The following C7orf78 variants were observed in gnomAD, a reference collection of about 807,000 sequenced individuals.
The protein encoded by C7orf78 is chromosome 7 open reading frame 78, also known as putative uncharacterized protein C7orf78.
the C7orf78 span, among the ~76,000 whole-genome samples, chr7:12,536,945 C>A: frequency 6.6e-6 from 1 of 152,160 alleles, no homozygotes; most frequent in Admixed American, 6.5e-5. Flanking sequence ...GCATTTTGGT[C>A]AAAGCCATTC....
At chr7:12,515,680 A>G in the C7orf78 span, among the ~76,000 whole-genome samples, 63 of 152,208 alleles carry the variant, frequency 4.1e-4, no homozygotes, top group Non-Finnish European at 5.9e-4. Context: ...GATATGGACA[A>G]TAAGGTCCAG....
the C7orf78 span, among the ~76,000 whole-genome samples, chr7:12,523,903 A>G: frequency 6.6e-6 from 1 of 152,200 alleles, no homozygotes; most frequent in East Asian, 1.9e-4. Context: ...TTTATAATTT[A>G]AAAGTGTGAT....
chr7:12,495,020 C>A, the C7orf78 span, among the ~76,000 whole-genome samples: 1 of 152,108 alleles, frequency 6.6e-6, no homozygotes, highest in Non-Finnish European at 1.5e-5. Context: ...CTGTTCTGCC[C>A]GTCTTCTCCC....
chr7:12,532,954 T>C, the C7orf78 span, among the ~76,000 whole-genome samples: 2 of 152,126 alleles, frequency 1.3e-5, no homozygotes, highest in Non-Finnish European at 2.9e-5. Context: ...AGAATTTGTT[T>C]TAAGTGGTGG....
At chr7:12,515,242 T>C in the C7orf78 span, among the ~76,000 whole-genome samples, 5 of 152,154 alleles carry the variant, frequency 3.3e-5, no homozygotes, top group Non-Finnish European at 4.4e-5. Flanking sequence ...ACAGAGGCAG[T>C]TTCCCCCATA....
the C7orf78 span, among the ~76,000 whole-genome samples, chr7:12,509,089 C>T: frequency 6.6e-6 from 1 of 152,206 alleles, no homozygotes; most frequent in Non-Finnish European, 1.5e-5. Flanking sequence ...TTGTCTCCCA[C>T]GAGATCACTC....
the C7orf78 span, among the ~76,000 whole-genome samples, chr7:12,513,067 T>G: frequency 1.2e-3 from 188 of 151,586 alleles, no homozygotes; most frequent in Admixed American, 2.2e-3. Context: ...TTATTCTTGG[T>G]TATTCTATCT....
At chr7:12,520,184 C>A in the C7orf78 span, among the ~76,000 whole-genome samples, 2 of 152,106 alleles carry the variant, frequency 1.3e-5, no homozygotes, top group East Asian at 3.9e-4. Flanking sequence ...TCTTCCCCTT[C>A]TGTGTCTCAG....
chr7:12,500,711 T>C, the C7orf78 span, among the ~76,000 whole-genome samples: 14,448 of 151,766 alleles, frequency 0.095, 846 homozygotes, highest in Non-Finnish European at 0.13. Context: ...AAAGAGGGAA[T>C]CCTCCCCAAC....
At chr7:12,506,532 A>G in the C7orf78 span, among the ~76,000 whole-genome samples, 2 of 152,174 alleles carry the variant, frequency 1.3e-5, no homozygotes, top group Non-Finnish European at 2.9e-5. Context: ...TCAGCAAACT[A>G]TCACAAGGAC....
chr7:12,535,518 AG>A, the C7orf78 span, among the ~76,000 whole-genome samples: 2 of 152,194 alleles, frequency 1.3e-5, no homozygotes, highest in Admixed American at 1.3e-4. Context: ...GTGGGGACAT[AG>A]CCAAACCATA....
At chr7:12,504,501 G>A in the C7orf78 span, 3 of 152,262 alleles carry the variant, frequency 2.0e-5, no homozygotes, top group Admixed American at 2.0e-4. Flanking sequence ...AAGATTTGCT[G>A]AGATATATTA....
chr7:12,498,247 G>T, the C7orf78 span, among the ~76,000 whole-genome samples: 2 of 152,084 alleles, frequency 1.3e-5, no homozygotes, highest in African/African-American at 4.8e-5. Flanking sequence ...TGACTTTGAC[G>T]AGCTGAGAGA....
chr7:12,508,514 A>T, the C7orf78 span, among the ~76,000 whole-genome samples: 1 of 152,236 alleles, frequency 6.6e-6, no homozygotes, highest in Non-Finnish European at 1.5e-5. Context: ...TCATTTCTAT[A>T]TCATACACAT....
the C7orf78 span, among the ~76,000 whole-genome samples, chr7:12,490,290 G>A: frequency 2.0e-5 from 3 of 152,004 alleles, no homozygotes; most frequent in Non-Finnish European, 4.4e-5. Flanking sequence ...ACTTTAACAT[G>A]ATAATTATGC....
chr7:12,500,322 T>C, the C7orf78 span, among the ~76,000 whole-genome samples: 10 of 151,166 alleles, frequency 6.6e-5, no homozygotes, highest in Non-Finnish European at 1.0e-4. Context: ...ACAAAATTGA[T>C]AGACCGCTAG....
the C7orf78 span, among the ~76,000 whole-genome samples, chr7:12,497,923 A>ACCCCTGACCCCTGT: frequency 4.6e-5 from 7 of 151,282 alleles, no homozygotes; most frequent in Non-Finnish European, 8.9e-5. Context: ...TGGGTCCCTG[A>ACCCCTGACCCCTGT]CCCCTGACCC....
At chr7:12,515,671 A>G in the C7orf78 span, among the ~76,000 whole-genome samples, 2 of 152,214 alleles carry the variant, frequency 1.3e-5, no homozygotes, top group African/African-American at 4.8e-5. Flanking sequence ...CCTGATAGTG[A>G]TATGGACAAT....
chr7:12,535,872 C>T, the C7orf78 span, among the ~76,000 whole-genome samples: 4 of 152,200 alleles, frequency 2.6e-5, no homozygotes, highest in African/African-American at 4.8e-5. Context: ...TCCTTTGACT[C>T]CATGTCTCAC....
Sources: gnomAD v4.1 joint callset for allele counts (sites outside exome capture counted in the v4.1 genomes callset) on GRCh38, gnomAD v4.1.1 for gene constraint, MANE v1.5 for transcripts, NCBI Gene and HGNC (gene_info 2026-07-23, HGNC 2026-07-21) for gene names.